Variants in IGF2BP1 observed in about 807,000 individuals in gnomAD.
IGF2BP1 encodes insulin like growth factor 2 mRNA binding protein 1.
A neutral mutation model predicts 74.9 loss-of-function variants in IGF2BP1; 11 were observed. That is an observed-to-expected ratio of 0.15 (90% CI 0.09 to 0.24). IGF2BP1 has a LOEUF of 0.24. Ranked by LOEUF, IGF2BP1 falls within the 10% of genes least tolerant of loss-of-function variation. The probability of loss-of-function intolerance (pLI) is 1.00; values close to 1 mark genes in which losing one functional copy is unlikely to be tolerated. For missense variants in IGF2BP1, 440 were observed against 757.4 expected (o/e 0.58, Z 4.92); for synonymous variants, 287 against 281.8 (o/e 1.02, Z -0.18).
intron 2 of IGF2BP1, among the ~76,000 whole-genome samples, chr17:49,009,457 C>A (rs1444038649): frequency 6.6e-6 from 1 of 151,944 alleles, no homozygotes; most frequent in Non-Finnish European, 1.5e-5. Context: ...TGCCTGTAAT[C>A]CCAGCACTTT....
At chr17:49,014,378 A>G (rs1360183256) in intron 2 of IGF2BP1, among the ~76,000 whole-genome samples, 1 of 139,314 alleles carries the variant, frequency 7.2e-6, no homozygotes, top group Non-Finnish European at 1.5e-5. Context: ...CCCCTGCTCC[A>G]CCGCGAGGGG....
chr17:49,049,231 T>C, intron 14 of IGF2BP1, 121 bp from the exon 15 acceptor site: 1 of 722,584 alleles, frequency 1.4e-6, no homozygotes, highest in South Asian at 1.8e-5. Flanking sequence ...TTTATCTTTC[T>C]TCTGAGTCCT....
intron 5 of IGF2BP1, among the ~76,000 whole-genome samples, chr17:49,032,533 A>G (rs1033533363): frequency 1.3e-5 from 2 of 152,226 alleles, no homozygotes; most frequent in African/African-American, 2.4e-5. Flanking sequence ...TCACTGTTAC[A>G]GACAGACTAT....
chr17:49,023,149 G>C (rs544861180), intron 2 of IGF2BP1, among the ~76,000 whole-genome samples: 2 of 152,320 alleles, frequency 1.3e-5, no homozygotes, highest in East Asian at 3.9e-4. Context: ...AAGGGTAGAT[G>C]TGGGGGTTCC....
At chr17:49,017,525 A>G (rs1179588601) in intron 2 of IGF2BP1, among the ~76,000 whole-genome samples, 1 of 152,202 alleles carries the variant, frequency 6.6e-6, no homozygotes, top group Non-Finnish European at 1.5e-5. Flanking sequence ...CAATATAAAT[A>G]ATTATTAAAG....
chr17:49,039,920 G>T, intron 6 of IGF2BP1, 37 bp from the exon 7 acceptor site: 1 of 1,608,950 alleles, frequency 6.2e-7, no homozygotes, highest in Non-Finnish European at 8.5e-7. Context: ...TGGTATCACT[G>T]GGGACAACTA....
chr17:49,039,894 G>A (rs930853522), intron 6 of IGF2BP1, 63 bp from the exon 7 acceptor site: 26 of 1,577,180 alleles, frequency 1.6e-5, no homozygotes, highest in Non-Finnish European at 2.3e-5. Context: ...GTAGTGGGGT[G>A]GGGAGCCTGA....
At chr17:49,021,067 T>TG in intron 2 of IGF2BP1, among the ~76,000 whole-genome samples, 1 of 151,090 alleles carries the variant, frequency 6.6e-6, no homozygotes, top group Non-Finnish European at 1.5e-5. Flanking sequence ...CCCTTGAGCC[T>TG]GGGAAGTCGA....
At chr17:49,044,152 CT>C in intron 11 of IGF2BP1, 66 bp downstream of exon 11, 2 of 1,575,196 alleles carry the variant, frequency 1.3e-6, no homozygotes, top group Non-Finnish European at 1.7e-6. Context: ...TCACTCTGCA[CT>C]TTCTCCCATA....
intron 5 of IGF2BP1, among the ~76,000 whole-genome samples, chr17:49,033,859 G>T (rs540627205): frequency 2.4e-4 from 37 of 152,052 alleles, no homozygotes; most frequent in African/African-American, 8.7e-4. Flanking sequence ...TCTCCCTGTT[G>T]CCCAGGCTGG....
chr17:49,037,216 A>C (rs1026487066), intron 5 of IGF2BP1: 8 of 472,204 alleles, frequency 1.7e-5, no homozygotes, highest in African/African-American at 1.7e-4. Flanking sequence ...TGTTCTGAAC[A>C]ACTTCAAGAT....
chr17:49,055,413 A>C lies in IGF2BP1; in HGVS notation c.*5969A>C. 2.8e-6 allele frequency: 1 copy of C among 356,320 alleles called. No homozygotes were observed. The highest frequency in any genetic ancestry group is 5.0e-6 in the Non-Finnish European group (1 of 200,412). The allele number at this position is 356,320 out of a possible 1,614,324, so 22.1% of individuals were successfully genotyped here. A position where few individuals can be genotyped will look rare whatever the true frequency, so the allele number is the denominator to read the frequency against. ...TTCTCTCCCTTCTCCCCTCCCAGCC[A>C]GCTGACTTCAGTCACCCCTGTCCCC... is the stretch of plus-strand genomic sequence containing the variant. On this transcript the variant is annotated 3_prime_UTR_variant, in exon 15 of 15. Coordinates refer to ENST00000290341, the MANE Select transcript of IGF2BP1 (RefSeq NM_006546.4).
chr17:49,024,197 T>C (rs2041825670), intron 2 of IGF2BP1, among the ~76,000 whole-genome samples: 1 of 149,504 alleles, frequency 6.7e-6, no homozygotes, highest in Admixed American at 6.8e-5. Flanking sequence ...TCCCAAAGTG[T>C]TGGGATTACA....
At chr17:49,016,092 A>G (rs1418258604) in intron 2 of IGF2BP1, among the ~76,000 whole-genome samples, 1 of 152,204 alleles carries the variant, frequency 6.6e-6, no homozygotes, top group Non-Finnish European at 1.5e-5. Context: ...GCACTTAACC[A>G]TACAGAATAT....
At chr17:48,999,056 AC>A in intron 1 of IGF2BP1, 52 bp from the exon 2 acceptor site, 1 of 1,090,324 alleles carries the variant, frequency 9.2e-7, no homozygotes, top group Non-Finnish European at 1.4e-6. Flanking sequence ...TCCTCTTCCC[AC>A]CCCCAACCCC....
At chr17:49,038,103 C>A in intron 5 of IGF2BP1, 65 bp from the exon 6 acceptor site, 1 of 1,366,054 alleles carries the variant, frequency 7.3e-7, no homozygotes, top group South Asian at 2.1e-5. Context: ...GTGCTTTGGC[C>A]AAGAGAGCAT....
In IGF2BP1 at chr17:48,999,125, A is replaced by G. The variant is rs775579642; in HGVS notation, c.192A>G (p.Gln64=). ...IETFSGKVEL[Q]GKRLEIEHSV... ...AATCTTTAGGGAAAGTAGAATTACA[A>G]GGAAAACGCTTAGAGATTGAACATT... Residue 64 remains glutamine, a synonymous_variant, in exon 2 of 15, where the codon CAA becomes CAG. Transcript: ENST00000290341. 2 of 1,516,486 alleles carry G rather than the reference A, an allele frequency of 1.3e-6. No individual in the cohort carries two copies. The highest frequency in any genetic ancestry group is 2.9e-5 in the African/African-American group (2 of 69,892). The allele number at this position is 1,516,486 out of a possible 1,614,324, so 93.9% of individuals were successfully genotyped here.
At chr17:49,006,217 T>C (rs531538818) in intron 2 of IGF2BP1, among the ~76,000 whole-genome samples, 3 of 152,234 alleles carry the variant, frequency 2.0e-5, no homozygotes, top group Non-Finnish European at 2.9e-5. Context: ...TTCAGAAATA[T>C]GTGTGTAATG....
At chr17:49,017,440 C>T (rs1326755780) in intron 2 of IGF2BP1, among the ~76,000 whole-genome samples, 1 of 152,048 alleles carries the variant, frequency 6.6e-6, no homozygotes, top group East Asian at 1.9e-4. Context: ...TTCTACGAGT[C>T]ATATTAAAGA....
Sources: allele counts gnomAD v4.1 joint callset (sites outside exome capture counted in the v4.1 genomes callset), GRCh38; gene constraint gnomAD v4.1.1; transcripts MANE v1.5; gene names NCBI Gene and HGNC (gene_info 2026-07-23, HGNC 2026-07-21).